ITPRID1: variants seen among roughly 807,000 people sequenced by gnomAD.
The protein encoded by ITPRID1 is ITPR interacting domain containing 1.
ITPRID1 carries 96 observed loss-of-function variants against 95.4 expected under a neutral mutation model. The observed-to-expected ratio is 1.01, with a 90% confidence interval of 0.85 to 1.19. The LOEUF (loss-of-function observed/expected upper bound fraction) is 1.19. ITPRID1 is among the 50% of genes most tolerant of loss of function. The probability of loss-of-function intolerance (pLI) is 0.00; values close to 1 mark genes in which losing one functional copy is unlikely to be tolerated. For missense variants in ITPRID1, 1,339 were observed against 1,252.9 expected (o/e 1.07, Z -1.04); for synonymous variants, 510 against 453.6 (o/e 1.12, Z -1.58).
intron 1 of ITPRID1, among the ~76,000 whole-genome samples, chr7:31,526,292 C>T (rs1326055885): frequency 6.6e-6 from 1 of 152,200 alleles, no homozygotes; most frequent in African/African-American, 2.4e-5. Flanking sequence ...AACAATTTTT[C>T]AACTTATGAT....
At chr7:31,629,616 C>T (rs1450885408) in intron 10 of ITPRID1, among the ~76,000 whole-genome samples, 2 of 152,164 alleles carry the variant, frequency 1.3e-5, no homozygotes, top group Admixed American at 1.3e-4. Context: ...TTTTATCTTT[C>T]AAAATACAAT....
intron 10 of ITPRID1, among the ~76,000 whole-genome samples, chr7:31,617,190 AGATCCTATTATT>A (rs1787327997): frequency 6.6e-6 from 1 of 152,212 alleles, no homozygotes; most frequent in Admixed American, 6.5e-5. Context: ...GGAGAAGGGA[AGATCCTATTATT>A]TCTTCTATAA....
At chr7:31,568,055 G>A (rs1162064386) in intron 5 of ITPRID1, among the ~76,000 whole-genome samples, 1 of 151,950 alleles carries the variant, frequency 6.6e-6, no homozygotes, top group African/African-American at 2.4e-5. Flanking sequence ...GAACTCGGGA[G>A]GCAGAGTTTG....
intron 10 of ITPRID1, among the ~76,000 whole-genome samples, chr7:31,631,616 G>A (rs944823377): frequency 1.3e-5 from 2 of 152,060 alleles, no homozygotes; most frequent in Non-Finnish European, 2.9e-5. Flanking sequence ...TAATGATGAA[G>A]GAAGGTTATT....
At chr7:31,562,818 T>TG (rs1168747067) in intron 5 of ITPRID1, among the ~76,000 whole-genome samples, 2 of 152,202 alleles carry the variant, frequency 1.3e-5, no homozygotes, top group African/African-American at 4.8e-5. Flanking sequence ...AAAGTCTTTC[T>TG]TTCTGTTCTG....
chr7:31,554,052 A>G (rs1784371067), intron 3 of ITPRID1, among the ~76,000 whole-genome samples: 1 of 152,140 alleles, frequency 6.6e-6, no homozygotes, highest in African/African-American at 2.4e-5. Flanking sequence ...GCAAATAACC[A>G]TCACTGGCTG....
intron 10 of ITPRID1, among the ~76,000 whole-genome samples, chr7:31,638,787 G>T (rs1006570091): frequency 2.0e-5 from 3 of 151,962 alleles, no homozygotes; most frequent in Non-Finnish European, 4.4e-5. Flanking sequence ...TCGTTTGTTT[G>T]TTTTTTTGAG....
At chr7:31,609,747 TA>T (rs1562605744) in intron 10 of ITPRID1, among the ~76,000 whole-genome samples, 1 of 151,606 alleles carries the variant, frequency 6.6e-6, no homozygotes, top group Non-Finnish European at 1.5e-5. Flanking sequence ...ACTTCTTTTT[TA>T]AAATTCTTTG....
rs373872600 is a variant in ITPRID1 at position 31,655,621 on chromosome 7, G to A, written c.*2792G>A. On this transcript the variant is annotated 3_prime_UTR_variant, in exon 15 of 15. Transcript: ENST00000615280. The stretch of plus-strand genomic sequence containing the variant: ...AGTCCAGGCCCTGGAGTTATTATGC[G>A]CCTCTCGTCGCCTCCCACTGCATCA... Among the ~76,000 whole-genome samples the A allele has an allele frequency of 1.3e-5, 2 of 152,132 alleles. No homozygotes were observed. The highest frequency in any genetic ancestry group is 4.8e-5 in the African/African-American group (2 of 41,424).
intron 10 of ITPRID1, among the ~76,000 whole-genome samples, chr7:31,615,097 A>G (rs1434990820): frequency 6.6e-6 from 1 of 152,216 alleles, no homozygotes; most frequent in South Asian, 2.1e-4. Flanking sequence ...GTGTATAGAA[A>G]TTAGCAAAAT....
At chr7:31,635,243 C>G (rs1789371856) in intron 10 of ITPRID1, among the ~76,000 whole-genome samples, 3 of 152,146 alleles carry the variant, frequency 2.0e-5, no homozygotes, top group Admixed American at 6.5e-5. Flanking sequence ...AATCCTACAT[C>G]TAGATGTGCA....
Position 31,545,213 on chromosome 7 carries a change from A to T in ITPRID1, c.-97-4213A>T, listed in dbSNP as rs192599389. Reference sequence around the variant, plus strand: ...TCTAGTGAAGACAAGGCCACTGCTTATAGAAAGATCTGCATTTAGTGGGGT... The same window carrying T: ...TCTAGTGAAGACAAGGCCACTGCTTTTAGAAAGATCTGCATTTAGTGGGGT... On this transcript the variant is annotated intron_variant, in intron 1 of 14. Transcript: ENST00000615280. Among the ~76,000 whole-genome samples, 6 of 152,278 alleles carry T rather than the reference A, an allele frequency of 3.9e-5. No homozygotes were observed. In the East Asian group the frequency reaches 1.2e-3, roughly 29 times the overall value.
chr7:31,575,315 C>T (rs1235705060), intron 8 of ITPRID1, among the ~76,000 whole-genome samples: 1 of 152,188 alleles, frequency 6.6e-6, no homozygotes, highest in East Asian at 1.9e-4. Flanking sequence ...AGAACACTAT[C>T]GTTTATACCT....
intron 10 of ITPRID1, among the ~76,000 whole-genome samples, chr7:31,599,708 C>CTTTA: frequency 7.3e-6 from 1 of 136,476 alleles, no homozygotes; most frequent in African/African-American, 2.7e-5. Context: ...TTCTTTCTTT[C>CTTTA]TTTCTCTTTT....
intron 10 of ITPRID1, among the ~76,000 whole-genome samples, chr7:31,589,669 A>G (rs1306726347): frequency 6.6e-6 from 1 of 152,222 alleles, no homozygotes; most frequent in Non-Finnish European, 1.5e-5. Flanking sequence ...AAAACAACAG[A>G]GACGAGAAGA....
At chr7:31,529,221 C>T (rs920022710) in intron 1 of ITPRID1, among the ~76,000 whole-genome samples, 10 of 152,188 alleles carry the variant, frequency 6.6e-5, no homozygotes, top group Non-Finnish European at 1.5e-5. Flanking sequence ...TGAATTGAAT[C>T]TCTCCATCCT....
intron 1 of ITPRID1, among the ~76,000 whole-genome samples, chr7:31,520,400 T>G (rs996961181): frequency 1.2e-4 from 19 of 152,236 alleles, no homozygotes; most frequent in African/African-American, 4.6e-4. Flanking sequence ...GAAGTTATAC[T>G]CTACCTCCTT....
At chr7:31,628,817 A>C (rs38372) in intron 10 of ITPRID1, among the ~76,000 whole-genome samples, 148,700 of 152,290 alleles carry the variant, frequency 0.98, 72,610 homozygotes, top group East Asian at 0.99. Flanking sequence ...ATGTGAGGAA[A>C]TGGGCTGCCT....
chr7:31,635,401 C>G (rs942162637), intron 10 of ITPRID1, among the ~76,000 whole-genome samples: 2 of 152,170 alleles, frequency 1.3e-5, no homozygotes, highest in African/African-American at 4.8e-5. Flanking sequence ...AAAACAAACA[C>G]AAGATAAATA....
Sources: allele counts gnomAD v4.1 joint callset (sites outside exome capture counted in the v4.1 genomes callset), GRCh38; gene constraint gnomAD v4.1.1; transcripts MANE v1.5; gene names NCBI Gene and HGNC (gene_info 2026-07-23, HGNC 2026-07-21).